Variants in RNLS observed in about 807,000 individuals in gnomAD.
RNLS encodes the protein renalase, FAD dependent amine oxidase.
Under a neutral mutation model 39.8 loss-of-function variants are expected in RNLS, and 39 were observed. The observed-to-expected ratio is 0.98, with a 90% CI of 0.76 to 1.28. The LOEUF (loss-of-function observed/expected upper bound fraction) is 1.28. RNLS is among the 50% of genes most tolerant of loss of function. The pLI is 0.00. For missense variants in RNLS, 410 were observed against 413.3 expected, an observed-to-expected ratio of 0.99 and a Z score of 0.07; for synonymous variants, 147 against 150.7, an observed-to-expected ratio of 0.98 and a Z score of 0.18.
intron 4 of RNLS, among the ~76,000 whole-genome samples, chr10:88,531,750 C>T (rs750698421): frequency 3.3e-5 from 5 of 152,012 alleles, no homozygotes; most frequent in East Asian, 1.9e-4. Context: ...GGGTTTCCAG[C>T]GATCTGTGAA....
chr10:88,338,804 C>T (rs1412479700), intron 5 of RNLS, among the ~76,000 whole-genome samples: 1 of 148,020 alleles, frequency 6.8e-6, no homozygotes, highest in East Asian at 2.0e-4. Context: ...GCTCTGTTGC[C>T]AGGCTGGAGT....
chr10:88,175,997 CTT>C, the RNLS span, among the ~76,000 whole-genome samples: 4 of 151,954 alleles, frequency 2.6e-5, no homozygotes, highest in Non-Finnish European at 5.9e-5. Flanking sequence ...TTCTTTGTCT[CTT>C]TTTATGTTTT....
At chr10:88,394,955 A>G (rs1377891960) in intron 4 of RNLS, among the ~76,000 whole-genome samples, 1 of 151,962 alleles carries the variant, frequency 6.6e-6, no homozygotes, top group Admixed American at 6.6e-5. Context: ...AAAAAACCAA[A>G]CACCGCATGT....
the RNLS span, among the ~76,000 whole-genome samples, chr10:88,219,564 A>G: frequency 2.5e-3 from 384 of 152,270 alleles, 1 homozygote; most frequent in Non-Finnish European, 4.4e-3. Context: ...CCTCATTTTC[A>G]GGAAGGGCAC....
At chr10:88,197,444 C>A in the RNLS span, among the ~76,000 whole-genome samples, 1 of 152,158 alleles carries the variant, frequency 6.6e-6, no homozygotes, top group Non-Finnish European at 1.5e-5. Flanking sequence ...TCTTCCTTCC[C>A]TATTCCCTAC....
chr10:88,359,697 T>A (rs1849487545), intron 5 of RNLS, among the ~76,000 whole-genome samples: 1 of 152,268 alleles, frequency 6.6e-6, no homozygotes, highest in Non-Finnish European at 1.5e-5. Context: ...AAAAAATTTT[T>A]AAAATTCTAT....
rs117407419 is a variant in RNLS at position 88,295,780 on chromosome 10, A to C, written c.877-10274T>G. Among the ~76,000 whole-genome samples the C allele has an allele frequency of 8.1e-4, 124 of 152,304 alleles. 2 individuals are homozygous for C. The East Asian group carries it at 0.022, about 27-fold the overall frequency. On this transcript the variant is annotated intron_variant, in intron 6 of 6. Transcript: ENST00000331772. The stretch of plus-strand genomic sequence containing the variant: ...TCCATGTAGCAGCTTTAGTGGGCTC[A>C]AACTGCAAAGGACATACTTTGCTGA...
chr10:88,538,588 T>C (rs1847894504), intron 4 of RNLS, among the ~76,000 whole-genome samples: 1 of 152,174 alleles, frequency 6.6e-6, no homozygotes, highest in Non-Finnish European at 1.5e-5. Context: ...TCTGATTTTA[T>C]TTTTCTTTTC....
At chr10:88,289,324 C>A (rs1325117375) in intron 6 of RNLS, among the ~76,000 whole-genome samples, 2 of 152,092 alleles carry the variant, frequency 1.3e-5, no homozygotes, top group Non-Finnish European at 2.9e-5. Flanking sequence ...CTTGTCCTTG[C>A]CACTTCTCTC....
At chr10:88,359,357 C>G (rs916671986) in intron 5 of RNLS, among the ~76,000 whole-genome samples, 4 of 151,456 alleles carry the variant, frequency 2.6e-5, no homozygotes, top group Non-Finnish European at 4.4e-5. Flanking sequence ...AGTTAAATAT[C>G]AATATCAATA....
At chr10:88,554,549 A>G (rs1238585018) in intron 4 of RNLS, among the ~76,000 whole-genome samples, 2 of 151,916 alleles carry the variant, frequency 1.3e-5, no homozygotes, top group East Asian at 1.9e-4. Flanking sequence ...CAAATCTTCA[A>G]CGTCTTCAGC....
intron 5 of RNLS, among the ~76,000 whole-genome samples, chr10:88,346,285 C>T (rs369922586): frequency 2.0e-5 from 3 of 152,052 alleles, no homozygotes; most frequent in African/African-American, 7.2e-5. Context: ...GTTTGTGTTA[C>T]GGGGCATCAT....
chr10:88,366,754 A>T (rs1850145020), intron 4 of RNLS, among the ~76,000 whole-genome samples: 1 of 150,836 alleles, frequency 6.6e-6, no homozygotes, highest in African/African-American at 2.4e-5. Flanking sequence ...CATAATAACC[A>T]AGTCCCCTCT....
chr10:88,192,685 T>A, the RNLS span, among the ~76,000 whole-genome samples: 1 of 152,230 alleles, frequency 6.6e-6, no homozygotes, highest in Non-Finnish European at 1.5e-5. Flanking sequence ...CATGAAATCC[T>A]CTTGCTAATT....
chr10:88,366,912 C>G (rs10887809), intron 4 of RNLS, among the ~76,000 whole-genome samples: 116,507 of 151,156 alleles, frequency 0.77, 45,522 homozygotes, highest in African/African-American at 0.89. Flanking sequence ...CAATTCACTG[C>G]CCATGACTTC....
intron 4 of RNLS, among the ~76,000 whole-genome samples, chr10:88,421,929 C>T (rs562986099): frequency 3.8e-4 from 58 of 152,252 alleles, no homozygotes; most frequent in African/African-American, 1.3e-3. Context: ...TTCCTCTTTA[C>T]TGCTCATTAT....
chr10:88,286,549 A>G (rs1361404607), intron 6 of RNLS, among the ~76,000 whole-genome samples: 1 of 152,016 alleles, frequency 6.6e-6, no homozygotes, highest in Non-Finnish European at 1.5e-5. Context: ...ACTTGTTGTA[A>G]TGGCCATCTC....
the RNLS span, among the ~76,000 whole-genome samples, chr10:88,256,833 G>C: frequency 6.6e-6 from 1 of 152,078 alleles, no homozygotes; most frequent in Non-Finnish European, 1.5e-5. Flanking sequence ...TTCTGGATGG[G>C]TTGAAGGGCC....
the RNLS span, among the ~76,000 whole-genome samples, chr10:88,265,323 C>CTTTTTT: frequency 1.0e-4 from 6 of 59,068 alleles, no homozygotes; most frequent in Admixed American, 2.1e-4. Flanking sequence ...CAGGGTTTTT[C>CTTTTTT]TTTTTTTTTT....
Sources: allele counts gnomAD v4.1 joint callset (sites outside exome capture counted in the v4.1 genomes callset), GRCh38; gene constraint gnomAD v4.1.1; transcripts MANE v1.5; gene names NCBI Gene and HGNC (gene_info 2026-07-23, HGNC 2026-07-21).